The following ZNF804B variants were observed in gnomAD, a reference collection of about 807,000 sequenced individuals.
ZNF804B encodes zinc finger protein 804B, also known as zinc finger 804B.
A neutral mutation model predicts 101.4 loss-of-function variants in ZNF804B; 80 were observed. The ratio of observed to expected loss-of-function variants is 0.79; its 90% CI spans 0.66 to 0.95. The LOEUF (loss-of-function observed/expected upper bound fraction) is 0.95, where lower values mean the gene tolerates loss of function less well. ZNF804B is among the 40% of genes least tolerant of loss of function. ZNF804B has a pLI of 0.00. For missense variants in ZNF804B, 1,673 were observed against 1,561.9 expected (o/e 1.07, Z -1.20); for synonymous variants, 622 against 558.8 (o/e 1.11, Z -1.59).
At chr7:88,930,081 G>A (rs867381964) in intron 1 of ZNF804B, among the ~76,000 whole-genome samples, 1 of 151,824 alleles carries the variant, frequency 6.6e-6, no homozygotes, top group East Asian at 1.9e-4. Context: ...TAGATAATTT[G>A]TTGAGATCAT....
intron 1 of ZNF804B, among the ~76,000 whole-genome samples, chr7:89,047,816 C>T (rs1440391057): frequency 1.3e-5 from 2 of 152,026 alleles, no homozygotes; most frequent in South Asian, 2.1e-4. Context: ...TGTCTAGAAC[C>T]ACTCCGTGAT....
intron 1 of ZNF804B, among the ~76,000 whole-genome samples, chr7:89,131,398 C>T (rs1790544722): frequency 6.6e-6 from 1 of 151,852 alleles, no homozygotes; most frequent in South Asian, 2.1e-4. Context: ...TAAAATATTG[C>T]CAGCCTTCAT....
At chr7:88,863,829 G>T (rs1330830160) in intron 1 of ZNF804B, among the ~76,000 whole-genome samples, 1 of 152,168 alleles carries the variant, frequency 6.6e-6, no homozygotes, top group Admixed American at 6.5e-5. Flanking sequence ...AACAAGCATG[G>T]CAGTTGGAAG....
intron 1 of ZNF804B, among the ~76,000 whole-genome samples, chr7:89,076,913 A>G (rs1789622597): frequency 6.6e-6 from 1 of 152,122 alleles, no homozygotes; most frequent in South Asian, 2.1e-4. Flanking sequence ...CCTCAGGGCA[A>G]TGGGGAGAAG....
chr7:88,784,976 G>T lies in ZNF804B; in HGVS notation c.108+24892G>T, dbSNP rs183190425. 5.3e-5 allele frequency among the ~76,000 whole-genome samples: 8 copies of T among 152,080 alleles called. No individual in the cohort carries two copies. The South Asian group carries it at 1.0e-3, about 20-fold the overall frequency. On this transcript the variant is annotated intron_variant, in intron 1 of 3. Coordinates refer to ENST00000333190, the MANE Select transcript of ZNF804B (RefSeq NM_181646.5). ...GATTTAGAATGAGGCTTTCTTCTCT[G>T]CTTATTCTATATATTTGTGTGGGTA...
chr7:89,214,212 T>A (rs770954755), intron 1 of ZNF804B, among the ~76,000 whole-genome samples: 1 of 152,218 alleles, frequency 6.6e-6, no homozygotes, highest in African/African-American at 2.4e-5. Flanking sequence ...TATTCAATAT[T>A]CAATTTGTAA....
intron 2 of ZNF804B, among the ~76,000 whole-genome samples, chr7:89,239,480 C>T (rs1789333617): frequency 6.6e-6 from 1 of 152,280 alleles, no homozygotes; most frequent in Middle Eastern, 3.4e-3. Flanking sequence ...CAGCACAGCC[C>T]TTCAACTTTT....
At chr7:89,219,894 T>TATATGTGTGTGTGC in intron 2 of ZNF804B, among the ~76,000 whole-genome samples, 1 of 146,718 alleles carries the variant, frequency 6.8e-6, no homozygotes, top group African/African-American at 2.5e-5. Flanking sequence ...TGTATATATG[T>TATATGTGTGTGTGC]ATATATGTGT....
At chr7:88,926,945 G>GGGGGC (rs1554346844) in intron 1 of ZNF804B, among the ~76,000 whole-genome samples, 4 of 149,896 alleles carry the variant, frequency 2.7e-5, no homozygotes, top group Non-Finnish European at 4.4e-5. Context: ...GTGGGGAGCG[G>GGGGGC]GGGGAAAGCT....
chr7:88,780,333 A>G (rs940262693), intron 1 of ZNF804B, among the ~76,000 whole-genome samples: 4 of 151,894 alleles, frequency 2.6e-5, no homozygotes, highest in African/African-American at 9.7e-5. Flanking sequence ...TGTATAATGA[A>G]CTGATATTCA....
At chr7:88,837,083 A>T (rs1791224377) in intron 1 of ZNF804B, among the ~76,000 whole-genome samples, 1 of 151,988 alleles carries the variant, frequency 6.6e-6, no homozygotes, top group Non-Finnish European at 1.5e-5. Context: ...ATATCAAAAT[A>T]AGATGGTTGC....
At chr7:88,841,136 T>C (rs1791286735) in intron 1 of ZNF804B, among the ~76,000 whole-genome samples, 1 of 152,208 alleles carries the variant, frequency 6.6e-6, no homozygotes, top group African/African-American at 2.4e-5. Context: ...CAAAGAAAGA[T>C]ATGGCCTTTG....
chr7:89,215,781 G>T (rs924945570), intron 1 of ZNF804B, among the ~76,000 whole-genome samples: 1 of 151,818 alleles, frequency 6.6e-6, no homozygotes, highest in Admixed American at 6.6e-5. Context: ...TACTGCGGGA[G>T]GCTGAGGCAG....
intron 1 of ZNF804B, among the ~76,000 whole-genome samples, chr7:88,953,225 C>G (rs1793251644): frequency 6.6e-6 from 1 of 151,764 alleles, no homozygotes; most frequent in Non-Finnish European, 1.5e-5. Context: ...TTTGCTCAAT[C>G]AGATACAGTG....
At chr7:89,273,254 G>T (rs1366290428) in intron 2 of ZNF804B, among the ~76,000 whole-genome samples, 2 of 152,012 alleles carry the variant, frequency 1.3e-5, no homozygotes, top group Non-Finnish European at 2.9e-5. Flanking sequence ...CTACAAAGAG[G>T]CAACAGTAGA....
intron 1 of ZNF804B, among the ~76,000 whole-genome samples, chr7:89,122,871 C>T (rs958691831): frequency 3.3e-5 from 5 of 152,056 alleles, no homozygotes; most frequent in Non-Finnish European, 7.4e-5. Context: ...TTTTCATATC[C>T]TACTTTTCTG....
At chr7:88,921,228 T>C (rs1792713963) in intron 1 of ZNF804B, among the ~76,000 whole-genome samples, 1 of 151,974 alleles carries the variant, frequency 6.6e-6, no homozygotes, top group Non-Finnish European at 1.5e-5. Context: ...AATGCAAAGT[T>C]GGTGGAAGGA....
At chr7:88,821,239 A>G (rs959715599) in intron 1 of ZNF804B, among the ~76,000 whole-genome samples, 1 of 152,202 alleles carries the variant, frequency 6.6e-6, no homozygotes, top group Non-Finnish European at 1.5e-5. Flanking sequence ...AGTCAAATCT[A>G]TATCAAGTCC....
intron 1 of ZNF804B, among the ~76,000 whole-genome samples, chr7:88,822,334 A>G (rs1459731068): frequency 6.6e-6 from 1 of 152,186 alleles, no homozygotes; most frequent in East Asian, 1.9e-4. Context: ...AAATACAACT[A>G]ATCTTGGTTT....
Sources: gnomAD v4.1 joint callset for allele counts (sites outside exome capture counted in the v4.1 genomes callset) on GRCh38, gnomAD v4.1.1 for gene constraint, MANE v1.5 for transcripts, NCBI Gene and HGNC (gene_info 2026-07-23, HGNC 2026-07-21) for gene names.